Variants in MOBP observed in about 807,000 individuals in gnomAD.
The protein encoded by MOBP is myelin associated oligodendrocyte basic protein.
In MOBP, 5 loss-of-function variants were observed where a neutral mutation model predicts 15.0. The ratio of observed to expected loss-of-function variants is 0.33; its 90% confidence interval spans 0.17 to 0.70. The LOEUF is 0.70. Ranked by LOEUF, MOBP falls within the 30% of genes least tolerant of loss-of-function variation. MOBP has a pLI of 0.67. For synonymous variants in MOBP, 88 were observed against 99.0 expected, an observed-to-expected ratio of 0.89 and a Z score of 0.66; for missense variants, 188 against 257.8, an observed-to-expected ratio of 0.73 and a Z score of 1.85.
exon 5 of MOBP, chr3:39,513,586 C>CA: frequency 5.7e-6 from 4 of 701,942 alleles, no homozygotes; most frequent in Non-Finnish European, 9.7e-6. Context: ...GCATGGGGGC[C>CA]TCAGGGCAGC....
At chr3:39,490,936 T>C (rs1379518616) in intron 2 of MOBP, among the ~76,000 whole-genome samples, 1 of 152,120 alleles carries the variant, frequency 6.6e-6, no homozygotes, top group Non-Finnish European at 1.5e-5. Flanking sequence ...ATTACAGCCA[T>C]GTACCGGAAG....
At chr3:39,527,338 G>A (rs2043334738), downstream of MOBP, 1 of 151,968 alleles carries the variant, frequency 6.6e-6, no homozygotes, top group Non-Finnish European at 1.5e-5. Context: ...ATTCAAATTA[G>A]GGAGCTCAAA....
downstream of MOBP, among the ~76,000 whole-genome samples, chr3:39,504,081 G>T (rs185371491): frequency 3.3e-5 from 5 of 152,272 alleles, no homozygotes; most frequent in East Asian, 9.7e-4. Flanking sequence ...AAAGAAATGT[G>T]GAGAGTGATA....
At chr3:39,498,867 G>A (rs564960449) in intron 2 of MOBP, among the ~76,000 whole-genome samples, 2 of 152,242 alleles carry the variant, frequency 1.3e-5, no homozygotes, top group Non-Finnish European at 2.9e-5. Context: ...ATGACTGGGC[G>A]GGGGTGCAGA....
intron 2 of MOBP, among the ~76,000 whole-genome samples, chr3:39,492,102 G>A (rs1435218958): frequency 6.6e-6 from 1 of 152,168 alleles, no homozygotes; most frequent in Non-Finnish European, 1.5e-5. Flanking sequence ...GTAATGCATG[G>A]GAACCAAACA....
rs1405520867 is a variant in MOBP, at chr3:39,469,018, A to ATG, written c.-89+1284_-89+1285dup. 1.7e-3 allele frequency among the ~76,000 whole-genome samples: 120 copies of ATG among 69,774 alleles called. 15 individuals carry two copies. The highest frequency in any genetic ancestry group is 5.8e-3 in the East Asian group (17 of 2,922). 45.8% of individuals were successfully genotyped at this position (69,774 alleles called of 152,430 possible). ...TGTGTGTATATATACATATATACAT[A>ATG]TGTGTGTATATATATACATATATAC... On this transcript the variant is annotated intron_variant, in intron 1 of 3. Transcript: ENST00000684792.
chr3:39,512,499 T>A (rs2043132725), intron 4 of MOBP, among the ~76,000 whole-genome samples: 1 of 152,236 alleles, frequency 6.6e-6, no homozygotes, highest in Non-Finnish European at 1.5e-5. Flanking sequence ...TTTCTGCATT[T>A]ATTTTTTTCT....
At chr3:39,488,653 A>G (rs1457215565) in intron 2 of MOBP, among the ~76,000 whole-genome samples, 2 of 152,010 alleles carry the variant, frequency 1.3e-5, no homozygotes, top group Non-Finnish European at 2.9e-5. Context: ...TTAGAACTGT[A>G]CTCTTACCTT....
downstream of MOBP, among the ~76,000 whole-genome samples, chr3:39,517,343 G>C (rs1469313777): frequency 6.6e-6 from 1 of 152,098 alleles, no homozygotes; most frequent in Non-Finnish European, 1.5e-5. Context: ...CTGAAACCAT[G>C]ACCTTTACCT....
chr3:39,502,723 G>T lies in MOBP; in HGVS notation c.395G>T (p.Arg132Met). Residue 132 changes from arginine to methionine, a missense_variant, in exon 4 of 4, where the codon AGG becomes ATG. Transcript: ENST00000684792. This position sits in a 1 kb window ranked among gnomAD's most constrained non-coding sequence, Gnocchi z 6.3. ...RSERQPRSPP[R>M]SERQPRPRPE... ...GAGCGTCAGCCACGGTCCCCTCCGAGGTCTGAGCGTCAGCCACGTCCCCGC... is the reference window on the plus strand; with the variant it reads ...GAGCGTCAGCCACGGTCCCCTCCGATGTCTGAGCGTCAGCCACGTCCCCGC... The T allele has an allele frequency of 6.5e-7, 1 of 1,534,760 alleles. No individual in the cohort carries two copies. Among genetic ancestry groups the T allele is most frequent in the East Asian group, 2.4e-5 (1 of 40,872 alleles).
intron 1 of MOBP, among the ~76,000 whole-genome samples, chr3:39,469,255 TG>T (rs2042430171): frequency 6.9e-6 from 1 of 143,974 alleles, no homozygotes; most frequent in Admixed American, 7.2e-5. Context: ...TATACATATA[TG>T]TGTGTGTATA....
downstream of MOBP, chr3:39,528,655 ACAGT>A (rs1050419182): frequency 1.3e-5 from 2 of 152,270 alleles, no homozygotes; most frequent in Non-Finnish European, 2.9e-5. Flanking sequence ...AGGAGACAAA[ACAGT>A]CAGAAGGGAG....
At chr3:39,529,429 G>A (rs1238301725), downstream of MOBP, 2 of 152,152 alleles carry the variant, frequency 1.3e-5, no homozygotes, top group Non-Finnish European at 2.9e-5. Context: ...TCAAAATAAT[G>A]CCAGTTGATG....
downstream of MOBP, among the ~76,000 whole-genome samples, chr3:39,519,797 G>A (rs2043244177): frequency 6.6e-6 from 1 of 151,908 alleles, no homozygotes; most frequent in Non-Finnish European, 1.5e-5. Context: ...TAGGGGCTGG[G>A]GCAGGAGCAG....
chr3:39,485,377 G>A (rs904294864), intron 2 of MOBP, among the ~76,000 whole-genome samples: 6 of 152,142 alleles, frequency 3.9e-5, no homozygotes, highest in East Asian at 1.9e-4. Context: ...AGAAAGGGTC[G>A]TCAGCCGCTG....
chr3:39,502,871 G>A lies in MOBP; in HGVS notation c.543G>A (p.Arg181=). ...SRGGSPVKAS[R]FW ...GGGGGTCCCCCGTCAAAGCTTCTAG[G>A]TTCTGGTAACACCATCTCTTCCCTT... Residue 181 remains arginine, a synonymous_variant, in exon 4 of 4, where the codon AGG becomes AGA. Transcript: ENST00000684792. The surrounding 1 kb of genome is among the most constrained non-coding windows in gnomAD (Gnocchi z 6.3). 1 of 1,313,040 alleles carries A rather than the reference G, an allele frequency of 7.6e-7. No homozygotes were observed. Among genetic ancestry groups the A allele is most frequent in the Non-Finnish European group, 1.0e-6 (1 of 965,374 alleles). 81.3% of individuals were successfully genotyped at this position (1,313,040 alleles called of 1,614,324 possible).
chr3:39,494,784 C>CG, intron 2 of MOBP, among the ~76,000 whole-genome samples: 1 of 77,394 alleles, frequency 1.3e-5, no homozygotes, highest in Admixed American at 1.6e-4. Flanking sequence ...TTTTCAAAGC[C>CG]CCCCCCCGCC....
intron 2 of MOBP, among the ~76,000 whole-genome samples, chr3:39,494,241 A>G (rs1407569729): frequency 6.6e-6 from 1 of 152,222 alleles, no homozygotes; most frequent in Non-Finnish European, 1.5e-5. Flanking sequence ...AAATGGGGAT[A>G]GTAGGAACTA....
downstream of MOBP, chr3:39,526,003 G>C (rs979846079): frequency 6.6e-6 from 1 of 152,298 alleles, no homozygotes; most frequent in Non-Finnish European, 1.5e-5. Flanking sequence ...GATATCTGAG[G>C]CCATTACATT....
Sources: gnomAD v4.1 joint callset for allele counts (sites outside exome capture counted in the v4.1 genomes callset) on GRCh38, gnomAD v4.1.1 for gene constraint, Gnocchi (gnomAD v3.1) non-coding constraint, MANE v1.5 for transcripts, NCBI Gene and HGNC (gene_info 2026-07-23, HGNC 2026-07-21) for gene names.